RHEB: variants seen among roughly 807,000 people sequenced by gnomAD.
RHEB encodes Ras homolog, mTORC1 binding.
In RHEB, 2 loss-of-function variants were observed where a neutral mutation model predicts 28.8. The observed-to-expected ratio is 0.07, with a 90% CI of 0.03 to 0.22. RHEB has a LOEUF of 0.22. Among genes scored for constraint, RHEB ranks in the 10% least tolerant of loss-of-function variants. The pLI is 1.00. For synonymous variants in RHEB, 69 were observed against 77.3 expected, an observed-to-expected ratio of 0.89 and a Z score of 0.56; for missense variants, 76 against 219.9, an observed-to-expected ratio of 0.35 and a Z score of 4.14.
In RHEB at chr7:151,470,627, C is replaced by T; in HGVS notation, c.406G>A (p.Ala136Thr). The change falls in exon 7 of 8, where the codon GCT (alanine) becomes ACT (threonine). Residue 136 changes from alanine (A) to threonine (T), a missense_variant. Physicochemically the swap from Ala to Thr is moderately conservative, Grantham distance 58 (BLOSUM62 0). Coordinates refer to ENST00000262187, the MANE Select transcript of RHEB (RefSeq NM_005614.4). ...GCTGCATTCCAAGATTCTGCCAAAGCTTTCCCTTCTTCATAACTGATCACC... is the reference window on the plus strand; with the variant it reads ...GCTGCATTCCAAGATTCTGCCAAAGTTTTCCCTTCTTCATAACTGATCACC... ...ERVISYEEGK[A>T]LAESWNAAFL... 6.2e-7 allele frequency: 1 copy of T among 1,612,938 alleles called. No individual in the cohort carries two copies. The highest frequency in any genetic ancestry group is 8.5e-7 in the Non-Finnish European group (1 of 1,179,070).
chr7:151,470,684 CT>C, intron 6 of RHEB, 32 bp from the exon 7 acceptor site: 1 of 1,430,518 alleles, frequency 7.0e-7, no homozygotes, highest in Non-Finnish European at 9.8e-7. Context: ...AGTTAAAGTA[CT>C]TTGCTCTTCA....
chr7:151,477,452 T>G (rs79185443), intron 3 of RHEB, 37 bp from the exon 4 acceptor site: 1 of 1,214,610 alleles, frequency 8.2e-7, no homozygotes, highest in East Asian at 2.4e-5. Context: ...GTAGTCTTCA[T>G]ATAGCATCAC....
intron 1 of RHEB, among the ~76,000 whole-genome samples, chr7:151,511,316 C>G (rs1802984426): frequency 6.6e-6 from 1 of 152,168 alleles, no homozygotes. Flanking sequence ...ACTTCTCTTT[C>G]AAATGTCCAT....
At chr7:151,470,164 C>G (rs891048857) in intron 7 of RHEB, 1 of 153,446 alleles carries the variant, frequency 6.5e-6, no homozygotes, top group Non-Finnish European at 1.5e-5. Flanking sequence ...TTAACACGTA[C>G]GTCTGACCCG....
At chr7:151,502,752 GA>G in intron 1 of RHEB, 1 of 1,525,570 alleles carries the variant, frequency 6.6e-7, no homozygotes, top group Non-Finnish European at 9.1e-7. Flanking sequence ...TTTAAAAATG[GA>G]AAAGCGACAT....
chr7:151,473,896 T>C (rs1048903524), intron 4 of RHEB, among the ~76,000 whole-genome samples: 1 of 152,176 alleles, frequency 6.6e-6, no homozygotes, highest in African/African-American at 2.4e-5. Flanking sequence ...TAATAAGGTG[T>C]GCCAAACCAA....
At chr7:151,510,237 T>C (rs1802958714) in intron 1 of RHEB, among the ~76,000 whole-genome samples, 1 of 152,186 alleles carries the variant, frequency 6.6e-6, no homozygotes, top group Non-Finnish European at 1.5e-5. Context: ...AAGTTAGCCC[T>C]GCCTTTGATT....
intron 1 of RHEB, among the ~76,000 whole-genome samples, chr7:151,496,945 ATTTTTTT>A (rs1172246541): frequency 1.3e-4 from 16 of 124,526 alleles, no homozygotes; most frequent in Non-Finnish European, 2.3e-4. Flanking sequence ...ACACTCGGCT[ATTTTTTT>A]TTTTTTTTTT....
chr7:151,497,952 T>C, intron 1 of RHEB: 1 of 390,250 alleles, frequency 2.6e-6, no homozygotes, highest in South Asian at 1.9e-5. Flanking sequence ...GCATATTGAT[T>C]AGGCTCCCCT....
rs758024216 is a variant in RHEB, at chr7:151,471,487, T to C, written c.333-46A>G. On this transcript the variant is annotated intron_variant, in intron 5 of 7. Coordinates refer to ENST00000262187, the MANE Select transcript of RHEB (RefSeq NM_005614.4). ...ACAAACCAGTAAGTGCCAGATTGTA[T>C]TGCTCAGAAGATACTATTAAAAGAA... 1.0e-5 allele frequency: 16 copies of C among 1,546,546 alleles called. No homozygotes were observed. Among genetic ancestry groups the C allele is most frequent in the Non-Finnish European group, 1.4e-5 (16 of 1,124,138 alleles).
chr7:151,511,092 A>C lies in RHEB; in HGVS notation c.52+8368T>G, dbSNP rs77526148. On this transcript the variant is annotated intron_variant, in intron 1 of 7. Transcript: ENST00000262187. ...GACTCCGTCTCAAAAAATAAAAAAT[A>C]AAAAAAAAAATAAAGCTAGCAAAAT... Among the ~76,000 whole-genome samples the C allele has an allele frequency of 1.0e-4, 14 of 137,058 alleles. No homozygotes were observed. In the East Asian group the frequency reaches 2.5e-3, roughly 25 times the overall value. The allele number at this position is 137,058 out of a possible 152,430, so 89.9% of individuals were successfully genotyped here.
chr7:151,503,574 T>C, intron 1 of RHEB: 1 of 528,412 alleles, frequency 1.9e-6, no homozygotes, highest in Non-Finnish European at 3.4e-6. Flanking sequence ...TCCAGAACTT[T>C]ATCCATGAGT....
At chr7:151,503,195 CA>C (rs1802804665) in intron 1 of RHEB, 1 of 784,090 alleles carries the variant, frequency 1.3e-6, no homozygotes, top group Non-Finnish European at 2.4e-6. Flanking sequence ...TCTCTAACTC[CA>C]AAGCAAGAAA....
chr7:151,514,991 A>T (rs552978520), intron 1 of RHEB, among the ~76,000 whole-genome samples: 2 of 152,066 alleles, frequency 1.3e-5, no homozygotes, highest in East Asian at 3.9e-4. Context: ...GTGAGCCATG[A>T]TAGCTCCACT....
chr7:151,508,167 G>A (rs1802921403), intron 1 of RHEB, among the ~76,000 whole-genome samples: 1 of 152,048 alleles, frequency 6.6e-6, no homozygotes, highest in African/African-American at 2.4e-5. Flanking sequence ...GAAAAGCAAA[G>A]ACAAAAATTC....
At chr7:151,489,976 G>C (rs1584856980) in intron 2 of RHEB, among the ~76,000 whole-genome samples, 1 of 152,154 alleles carries the variant, frequency 6.6e-6, no homozygotes. Context: ...ATGCCAATCA[G>C]GTGTTGATGA....
chr7:151,486,104 A>T (rs1218503439), intron 2 of RHEB, among the ~76,000 whole-genome samples: 1 of 152,218 alleles, frequency 6.6e-6, no homozygotes, highest in Non-Finnish European at 1.5e-5. Flanking sequence ...GCACCGCTGG[A>T]GGTTTCAGTC....
intron 2 of RHEB, among the ~76,000 whole-genome samples, chr7:151,485,948 CTT>C (rs910161541): frequency 1.2e-4 from 19 of 152,178 alleles, no homozygotes; most frequent in Non-Finnish European, 2.5e-4. Context: ...GAAGTTATCA[CTT>C]TTAGGAAACA....
intron 1 of RHEB, among the ~76,000 whole-genome samples, chr7:151,506,747 T>C (rs1584866398): frequency 6.6e-6 from 1 of 152,348 alleles, no homozygotes. Context: ...CTGTTTCATT[T>C]ACCCACAGCT....
Sources: gnomAD v4.1 joint callset for allele counts (sites outside exome capture counted in the v4.1 genomes callset) on GRCh38, gnomAD v4.1.1 for gene constraint, MANE v1.5 for transcripts, NCBI Gene and HGNC (gene_info 2026-07-23, HGNC 2026-07-21) for gene names.